The following PIK3C2G variants were observed in gnomAD, a reference collection of about 807,000 sequenced individuals.
PIK3C2G encodes the protein phosphatidylinositol 3-kinase C2 domain-containing subunit gamma.
In PIK3C2G, 168 loss-of-function variants were observed where a neutral mutation model predicts 181.1. The observed-to-expected ratio is 0.93, with a 90% confidence interval of 0.82 to 1.05. PIK3C2G has a LOEUF of 1.05. Ranked by LOEUF, PIK3C2G falls within the 50% of genes least tolerant of loss-of-function variation. PIK3C2G has a pLI of 0.00. For synonymous variants in PIK3C2G, 573 were observed against 592.2 expected (o/e 0.97, Z 0.47); for missense variants, 1,869 against 1,732.8 (o/e 1.08, Z -1.40).
intron 16 of PIK3C2G, among the ~76,000 whole-genome samples, chr12:18,409,916 G>A (rs775615214): frequency 7.9e-5 from 12 of 152,110 alleles, no homozygotes; most frequent in Non-Finnish European, 1.6e-4. Flanking sequence ...TGGCTGGGCA[G>A]GAGGAAGAGA....
intron 1 of PIK3C2G, among the ~76,000 whole-genome samples, chr12:18,253,562 A>C (rs1198985610): frequency 6.6e-6 from 1 of 152,214 alleles, no homozygotes; most frequent in Non-Finnish European, 1.5e-5. Context: ...ATGCAATTTC[A>C]GAAGTACAGG....
chr12:18,301,966 G>A (rs1244050415), intron 5 of PIK3C2G, among the ~76,000 whole-genome samples: 1 of 152,114 alleles, frequency 6.6e-6, no homozygotes, highest in East Asian at 1.9e-4. Flanking sequence ...GATTCCTTTA[G>A]CTGTAATCAG....
At chr12:18,503,190 TA>T in intron 22 of PIK3C2G, 90 bp from the exon 23 acceptor site, 1 of 855,136 alleles carries the variant, frequency 1.2e-6, no homozygotes, top group Non-Finnish European at 1.8e-6. Flanking sequence ...GGTAATCCAG[TA>T]GTGCTGGAAG....
At chr12:18,659,877 A>G in the PIK3C2G span, among the ~76,000 whole-genome samples, 1 of 152,118 alleles carries the variant, frequency 6.6e-6, no homozygotes, top group South Asian at 2.1e-4. Context: ...TAGTTGACTT[A>G]CTCTATAAGA....
intron 13 of PIK3C2G, chr12:18,372,700 A>C (rs1212099927): frequency 1.3e-5 from 2 of 152,214 alleles, no homozygotes; most frequent in Non-Finnish European, 2.9e-5. Context: ...GTAACACACT[A>C]CTTGCACATA....
chr12:18,639,616 T>C (rs954580727), intron 31 of PIK3C2G, among the ~76,000 whole-genome samples: 1 of 152,176 alleles, frequency 6.6e-6, no homozygotes, highest in African/African-American at 2.4e-5. Context: ...TCCAAATTTT[T>C]GAAACAGGGG....
Position 18,648,116 on chromosome 12 carries a change from GTTGT to G in PIK3C2G, c.*89_*92del. 2 of 757,822 alleles carry G rather than the reference GTTGT, an allele frequency of 2.6e-6. No homozygotes were observed. The highest frequency in any genetic ancestry group is 4.0e-6 in the Non-Finnish European group (2 of 500,560). The allele number at this position is 757,822 out of a possible 1,614,324, so 46.9% of individuals were successfully genotyped here. The stretch of plus-strand genomic sequence containing the variant: ...TGAATCACATAAGTAAGGCATCTTT[GTTGT>G]CAAAGACAGCACAGGGTATTAAGGA... On this transcript the variant is annotated 3_prime_UTR_variant, in exon 33 of 33. Coordinates refer to ENST00000538779, the MANE Select transcript of PIK3C2G (RefSeq NM_001288772.2).
chr12:18,488,630 G>A lies in PIK3C2G; in HGVS notation c.2685+1G>A, dbSNP rs1940277693. On this transcript the variant is annotated splice_donor_variant, in intron 19 of 32. Transcript: ENST00000538779. LOFTEE classifies it high-confidence loss of function. ...GTCTGCCAGTGACCATCAAAGACAG[G>A]TTTGTTGAAATATTAATATTCAGGT... is the stretch of plus-strand genomic sequence containing the variant. 2 of 1,478,248 alleles carry A rather than the reference G, an allele frequency of 1.4e-6. No homozygotes were observed. The highest frequency in any genetic ancestry group is 1.8e-6 in the Non-Finnish European group (2 of 1,107,832). 91.6% of individuals were successfully genotyped at this position (1,478,248 alleles called of 1,614,324 possible).
intron 10 of PIK3C2G, among the ~76,000 whole-genome samples, 172 bp from the exon 11 acceptor site, chr12:18,346,469 C>T (rs1356792890): frequency 6.6e-6 from 1 of 152,168 alleles, no homozygotes; most frequent in African/African-American, 2.4e-5. Context: ...CTAGCAGCAA[C>T]TAAACCAGGT....
chr12:18,248,044 C>T (rs10770332), exon 1 of PIK3C2G: 65,291 of 151,930 alleles, frequency 0.43, 14,581 homozygotes, highest in East Asian at 0.75. Context: ...AAACTGCCAA[C>T]GGTACCTGAG....
intron 19 of PIK3C2G, among the ~76,000 whole-genome samples, chr12:18,490,050 A>G (rs1296853945): frequency 6.6e-6 from 1 of 152,292 alleles, no homozygotes. Context: ...ATTTCTCACA[A>G]AAATTTAAGT....
At chr12:18,386,755 A>G (rs541613949) in intron 14 of PIK3C2G, among the ~76,000 whole-genome samples, 1 of 152,242 alleles carries the variant, frequency 6.6e-6, no homozygotes, top group South Asian at 2.1e-4. Flanking sequence ...CTATTTAGCT[A>G]TTAAGAATAT....
chr12:18,268,975 T>C (rs1948628986), intron 1 of PIK3C2G, among the ~76,000 whole-genome samples: 1 of 152,012 alleles, frequency 6.6e-6, no homozygotes, highest in Non-Finnish European at 1.5e-5. Context: ...AGTGCAGTGG[T>C]GCATATCAGT....
chr12:18,723,635 A>C, the PIK3C2G span: 1 of 977,814 alleles, frequency 1.0e-6, no homozygotes, highest in Non-Finnish European at 1.6e-6. Context: ...AGTAATTTAT[A>C]CTTGAAAGAA....
intron 24 of PIK3C2G, among the ~76,000 whole-genome samples, chr12:18,509,420 G>A (rs1020293676): frequency 6.6e-6 from 1 of 152,174 alleles, no homozygotes; most frequent in Non-Finnish European, 1.5e-5. Context: ...GATATAAGAA[G>A]GATCTTGAGA....
At chr12:18,699,926 C>T in the PIK3C2G span, 12 of 1,611,148 alleles carry the variant, frequency 7.4e-6, no homozygotes, top group Non-Finnish European at 1.0e-5. Context: ...TCAGATAAGG[C>T]CAGAGCAATT....
the PIK3C2G span, among the ~76,000 whole-genome samples, chr12:18,725,588 T>C: frequency 6.6e-6 from 1 of 152,128 alleles, no homozygotes; most frequent in African/African-American, 2.4e-5. Flanking sequence ...AAGTTCTCAC[T>C]GTACCTCCTT....
At chr12:18,300,018 T>A (rs1291332546) in intron 5 of PIK3C2G, among the ~76,000 whole-genome samples, 1 of 152,010 alleles carries the variant, frequency 6.6e-6, no homozygotes, top group Non-Finnish European at 1.5e-5. Flanking sequence ...TTGTCTGGTT[T>A]TAGTATCAGG....
At chr12:18,385,011 A>T (rs1344752212) in intron 14 of PIK3C2G, among the ~76,000 whole-genome samples, 1 of 152,154 alleles carries the variant, frequency 6.6e-6, no homozygotes. Flanking sequence ...CCTAAAGATT[A>T]TGAGATGGTG....
Sources: allele counts gnomAD v4.1 joint callset (sites outside exome capture counted in the v4.1 genomes callset), GRCh38; gene constraint gnomAD v4.1.1; transcripts MANE v1.5; gene names NCBI Gene and HGNC (gene_info 2026-07-23, HGNC 2026-07-21).